The following PMPCA variants were observed in gnomAD, a reference collection of about 807,000 sequenced individuals.
The protein encoded by PMPCA is peptidase, mitochondrial processing subunit alpha, also known as mitochondrial-processing peptidase subunit alpha.
A neutral mutation model predicts 59.3 loss-of-function variants in PMPCA; 47 were observed. The observed-to-expected ratio is 0.79, with a 90% CI of 0.63 to 1.01. The LOEUF is 1.01. Ranked by LOEUF, PMPCA falls within the 50% of genes least tolerant of loss-of-function variation. The pLI is 0.00. For missense variants in PMPCA, 726 were observed against 704.5 expected, an observed-to-expected ratio of 1.03 and a Z score of -0.34; for synonymous variants, 338 against 290.3, an observed-to-expected ratio of 1.16 and a Z score of -1.67.
intron 3 of PMPCA, 82 bp from the exon 4 acceptor site, chr9:136,412,728 G>C (rs1226524753): frequency 2.2e-6 from 2 of 918,588 alleles, no homozygotes; most frequent in African/African-American, 3.4e-5. Flanking sequence ...TGTGTTAAAA[G>C]CAAAAGTAGA....
chr9:136,414,791 G>A (rs1372635616), intron 5 of PMPCA, 144 bp downstream of exon 5: 2 of 608,758 alleles, frequency 3.3e-6, no homozygotes, highest in African/African-American at 3.7e-5. Flanking sequence ...GATCTCATAA[G>A]AAATAGCGCT....
chr9:136,417,503 C>T (rs1458701026), intron 7 of PMPCA, among the ~76,000 whole-genome samples: 3 of 150,016 alleles, frequency 2.0e-5, no homozygotes, highest in Non-Finnish European at 3.0e-5. Context: ...GATGGAGCCT[C>T]GCTCTGTCAC....
At chr9:136,422,084 AC>A in intron 12 of PMPCA, 108 bp downstream of exon 12, 1 of 1,546,954 alleles carries the variant, frequency 6.5e-7, no homozygotes, top group Non-Finnish European at 8.7e-7. Flanking sequence ...TGTCCATCAC[AC>A]CCAGAATCTG....
chr9:136,418,695 A>AT (rs1835355819), intron 9 of PMPCA, 22 bp downstream of exon 9: 1 of 1,556,912 alleles, frequency 6.4e-7, no homozygotes, highest in African/African-American at 1.4e-5. Context: ...TCTTTTCTGT[A>AT]TCCTCAGGCC....
At position 136,418,650 on chromosome 9, in the gene PMPCA, G is replaced by A. The variant is rs546508178; in HGVS notation, c.1086G>A (p.Arg362=). 1.2e-6 allele frequency: 2 copies of A among 1,612,026 alleles called. No homozygotes were observed. Among genetic ancestry groups the A allele is most frequent in the South Asian group, 2.2e-5 (2 of 91,022 alleles). Residue 362 remains arginine (R), a synonymous_variant, in exon 9 of 13, where the codon AGG becomes AGA. Transcript: ENST00000371717. ...GGCCCGGCAAGGGCATGTTCTCCAGGCTCTACCTCAACGTGCTCAACAGGT... is the reference window on the plus strand; with the variant it reads ...GGCCCGGCAAGGGCATGTTCTCCAGACTCTACCTCAACGTGCTCAACAGGT... ...AGGPGKGMFS[R]LYLNVLNRHH...
In PMPCA at chr9:136,412,200, G is replaced by C. The variant is rs779041253; in HGVS notation, c.274+1G>C. The C allele has an allele frequency of 1.9e-6, 3 of 1,603,776 alleles. No individual in the cohort carries two copies. ...TTTGGACAGTTTTGTACAGTAGGAA[G>C]TAAGTACTGTTGTGTTGTCGTGGGT... On this transcript the variant is annotated splice_donor_variant, in intron 2 of 12. Coordinates refer to ENST00000371717, the MANE Select transcript of PMPCA (RefSeq NM_015160.3). LOFTEE classifies it high-confidence loss of function.
chr9:136,416,713 C>T (rs1835286337), intron 6 of PMPCA: 3 of 591,496 alleles, frequency 5.1e-6, no homozygotes, highest in Non-Finnish European at 9.0e-6. Flanking sequence ...TTTATAGTAA[C>T]TAGGTCTTTA....
chr9:136,417,027 T>A lies in PMPCA; in HGVS notation c.710T>A (p.Val237Glu). The A allele has an allele frequency of 6.2e-7, 1 of 1,613,402 alleles. No individual in the cohort carries two copies. Among genetic ancestry groups the A allele is most frequent in the Non-Finnish European group, 8.5e-7 (1 of 1,179,966 alleles). Residue 237 changes from valine to glutamate, a missense_variant, in exon 7 of 13, where the codon GTG becomes GAG. Transcript: ENST00000371717. The stretch of plus-strand genomic sequence containing the variant: ...AACGTAGCAAAGATCAACCGAGAGG[T>A]GCTGCATTCCTACCTGAGGAACTAC... ...TENVAKINRE[V>E]LHSYLRNYYT... is the part of the protein sequence containing the mutation.
intron 12 of PMPCA, chr9:136,422,246 G>A (rs1277055622): frequency 7.2e-7 from 1 of 1,385,588 alleles, no homozygotes; most frequent in African/African-American, 1.5e-5. Flanking sequence ...TGTCACTACT[G>A]CCCAGAGTTG....
In PMPCA at chr9:136,423,326, A is replaced by T. The variant is rs1321693816; in HGVS notation, c.*62A>T. On this transcript the variant is annotated 3_prime_UTR_variant, in exon 13 of 13. Transcript: ENST00000371717. ...GCTGGAGCCCGTTCCCGTGCGTGTT[A>T]GTTTGGACACGAATTTAGTCTAAAA... 1 of 1,514,106 alleles carries T rather than the reference A, an allele frequency of 6.6e-7. No individual in the cohort carries two copies. The highest frequency in any genetic ancestry group is 1.2e-5 in the South Asian group (1 of 86,070). 93.8% of individuals were successfully genotyped at this position (1,514,106 alleles called of 1,614,324 possible). A position where few individuals can be genotyped will look rare whatever the true frequency, so the allele number is the denominator to read the frequency against.
At chr9:136,417,497 G>A (rs1018948738) in intron 7 of PMPCA, among the ~76,000 whole-genome samples, 1 of 150,478 alleles carries the variant, frequency 6.6e-6, no homozygotes, top group Non-Finnish European at 1.5e-5. Flanking sequence ...TTTAGAGATG[G>A]AGCCTCGCTC....
intron 8 of PMPCA, 124 bp from the exon 9 acceptor site, chr9:136,418,431 C>A: frequency 1.4e-6 from 1 of 713,428 alleles, no homozygotes; most frequent in South Asian, 1.7e-5. Context: ...CCGTCCCTGG[C>A]GTCCAGCGGC....
intron 12 of PMPCA, 139 bp downstream of exon 12, chr9:136,422,115 TCAG>T: frequency 6.5e-7 from 1 of 1,545,146 alleles, no homozygotes; most frequent in Non-Finnish European, 8.7e-7. Flanking sequence ...CCAGTTGTCC[TCAG>T]CAGGGGCGGC....
At position 136,418,885 on chromosome 9, in the gene PMPCA, C is replaced by T. The variant is rs147931061; in HGVS notation, c.1167C>T (p.Leu389=). ...ACCACAGCTACGAGGACACTGGCCTCCTTTGCATCCATGCCAGCGCCGACC... is the reference window on the plus strand; with the variant it reads ...ACCACAGCTACGAGGACACTGGCCTTCTTTGCATCCATGCCAGCGCCGACC... The part of the protein sequence containing the change: ...SYHHSYEDTG[L]LCIHASADPR... The change falls in exon 10 of 13, where the codon CTC becomes CTT. Residue 389 remains leucine (L), a synonymous_variant. Transcript: ENST00000371717. The T allele has an allele frequency of 1.5e-5, 24 of 1,613,790 alleles. No individual in the cohort carries two copies. In the African/African-American group the frequency reaches 2.8e-4, roughly 19 times the overall value.
chr9:136,412,521 G>A lies in PMPCA; in HGVS notation c.306G>A (p.Ala102=), dbSNP rs375988331. Residue 102 remains alanine, a synonymous_variant, in exon 3 of 13, where the codon GCG becomes GCA. Coordinates refer to ENST00000371717, the MANE Select transcript of PMPCA (RefSeq NM_015160.3). ...TCAATTCAGGATCGAGATATGAAGCGAAATACCTTAGTGGAATTGCTCACT... is the reference window on the plus strand; with the variant it reads ...TCAATTCAGGATCGAGATATGAAGCAAAATACCTTAGTGGAATTGCTCACT... ...ILINSGSRYE[A]KYLSGIAHFL... The A allele has an allele frequency of 1.4e-5, 23 of 1,598,598 alleles. No individual in the cohort carries two copies. Among genetic ancestry groups the A allele is most frequent in the African/African-American group, 2.7e-5 (2 of 74,508 alleles).
At chr9:136,422,905 TC>T (rs1835498808) in intron 12 of PMPCA, 189 bp from the exon 13 acceptor site, 2 of 1,396,300 alleles carry the variant, frequency 1.4e-6, no homozygotes, top group Non-Finnish European at 1.9e-6. Context: ...TACTGAGAAC[TC>T]AACGTCTGTC....
In PMPCA at chr9:136,418,089, C is replaced by T. The variant is rs1835333419; in HGVS notation, c.970C>T (p.Leu324=). The T allele has an allele frequency of 6.2e-7, 1 of 1,612,634 alleles. No homozygotes were observed. The highest frequency in any genetic ancestry group is 8.5e-7 in the Non-Finnish European group (1 of 1,178,596). ...CGAGCTCACGCACATCATGGTTGGACTGGAGAGCTGCTCCTTCCTGGTGAG... is the reference window on the plus strand; with the variant it reads ...CGAGCTCACGCACATCATGGTTGGATTGGAGAGCTGCTCCTTCCTGGTGAG... ...IPELTHIMVG[L]ESCSFLEEDF... is the part of the protein sequence containing the mutation. Residue 324 remains leucine, a synonymous_variant, in exon 8 of 13, where the codon CTG becomes TTG. Coordinates refer to ENST00000371717, the MANE Select transcript of PMPCA (RefSeq NM_015160.3).
At chr9:136,418,193 A>C (rs1835337726) in intron 8 of PMPCA, 84 bp downstream of exon 8, 1 of 985,914 alleles carries the variant, frequency 1.0e-6, no homozygotes, top group African/African-American at 1.6e-5. Context: ...CTGGCATCCG[A>C]CAGCGCTCCT....
Position 136,412,055 on chromosome 9 carries a change from CT to C in PMPCA, c.131del (p.Leu44ProfsTer26), listed in dbSNP as rs1187836824. 1 of 1,613,412 alleles carries C rather than the reference CT, an allele frequency of 6.2e-7. No homozygotes were observed. ...TGGTGGTGCCTATCCCAACATCCCC[CT>C]CTCTTCTCCCTTACCTGGAGTACCC... is the stretch of plus-strand genomic sequence containing the variant. The part of the protein sequence containing the change: ...SSGGAYPNIP[L>X]SSPLPGVPKP... On this transcript the variant is annotated frameshift_variant, in exon 2 of 13. Coordinates refer to ENST00000371717, the MANE Select transcript of PMPCA (RefSeq NM_015160.3). LOFTEE classifies it high-confidence loss of function.
Sources: gnomAD v4.1 joint callset for allele counts (sites outside exome capture counted in the v4.1 genomes callset) on GRCh38, gnomAD v4.1.1 for gene constraint, MANE v1.5 for transcripts, NCBI Gene and HGNC (gene_info 2026-07-23, HGNC 2026-07-21) for gene names.